Variants in PPP6R3 observed in about 807,000 individuals in gnomAD.
PPP6R3 encodes the protein serine/threonine-protein phosphatase 6 regulatory subunit 3.
PPP6R3 carries 38 observed loss-of-function variants against 110.7 expected under a neutral mutation model. The ratio of observed to expected loss-of-function variants is 0.34; its 90% confidence interval spans 0.26 to 0.45. The LOEUF (loss-of-function observed/expected upper bound fraction) is 0.45, where lower values mean the gene tolerates loss of function less well. Among genes scored for constraint, PPP6R3 ranks in the 20% least tolerant of loss-of-function variants. The probability of loss-of-function intolerance (pLI) is 1.00; values close to 1 mark genes in which losing one functional copy is unlikely to be tolerated. For synonymous variants in PPP6R3, 369 were observed against 373.5 expected (o/e 0.99, Z 0.14); for missense variants, 870 against 1,062.4 (o/e 0.82, Z 2.52).
rs1555021448 is a variant in PPP6R3 at position 68,477,741 on chromosome 11, A to ATATAT, written c.-158+16914_-158+16915insTATAT. ...GACATTGTCTCTTAAAAAAAAAAAAAATATATATATATATATATATATATA... is the reference window on the plus strand; with the variant it reads ...GACATTGTCTCTTAAAAAAAAAAAAATATATATATATATATATATATATATATATA... On this transcript the variant is annotated intron_variant, in intron 1 of 23. Transcript: ENST00000393800. Among the ~76,000 whole-genome samples the ATATAT allele has an allele frequency of 3.4e-3, 198 of 57,890 alleles. 1 individual carries two copies. Among genetic ancestry groups the ATATAT allele is most frequent in the African/African-American group, 6.0e-3 (84 of 14,032 alleles). 38.0% of individuals were successfully genotyped at this position (57,890 alleles called of 152,430 possible). A position where few individuals can be genotyped will look rare whatever the true frequency, so the allele number is the denominator to read the frequency against.
intron 6 of PPP6R3, among the ~76,000 whole-genome samples, chr11:68,552,000 T>C (rs1262047644): frequency 6.6e-6 from 1 of 152,168 alleles, no homozygotes; most frequent in Non-Finnish European, 1.5e-5. Context: ...GGTTACAGGA[T>C]TGAAGCTAGA....
intron 4 of PPP6R3, among the ~76,000 whole-genome samples, chr11:68,546,422 TAAAG>T (rs1183530044): frequency 2.0e-5 from 3 of 152,274 alleles, no homozygotes; most frequent in East Asian, 3.9e-4. Flanking sequence ...AGTGTACACA[TAAAG>T]AGAGAGAATA....
intron 1 of PPP6R3, among the ~76,000 whole-genome samples, chr11:68,500,413 G>A (rs1284620971): frequency 1.3e-5 from 2 of 151,970 alleles, no homozygotes; most frequent in Non-Finnish European, 2.9e-5. Flanking sequence ...TGTTTTATGT[G>A]CACTGGTAGT....
intron 19 of PPP6R3, among the ~76,000 whole-genome samples, chr11:68,597,286 C>T (rs553740028): frequency 6.6e-6 from 1 of 152,070 alleles, no homozygotes; most frequent in Admixed American, 6.5e-5. Context: ...CTGAAGGACC[C>T]GTAGGGATTT....
At chr11:68,519,925 T>C (rs1043490884) in intron 2 of PPP6R3, among the ~76,000 whole-genome samples, 1 of 152,194 alleles carries the variant, frequency 6.6e-6, no homozygotes, top group Non-Finnish European at 1.5e-5. Flanking sequence ...CCAGGCCTAG[T>C]AAGCTGAAGT....
At position 68,613,412 on chromosome 11, in the gene PPP6R3, AC is replaced by A; in HGVS notation, c.*296del. On this transcript the variant is annotated 3_prime_UTR_variant, in exon 24 of 24. Transcript: ENST00000393800. ...CCACCCATGTAATAATAGTAGTAATACTATAGTTAAAATGGCTGTAAGAATA... is the reference window on the plus strand; with the variant it reads ...CCACCCATGTAATAATAGTAGTAATATATAGTTAAAATGGCTGTAAGAATA... The A allele has an allele frequency of 9.1e-7, 1 of 1,095,208 alleles. No individual in the cohort carries two copies. The highest frequency in any genetic ancestry group is 3.9e-5 in the South Asian group (1 of 25,578). The allele number at this position is 1,095,208 out of a possible 1,614,324, so 67.8% of individuals were successfully genotyped here.
intron 1 of PPP6R3, among the ~76,000 whole-genome samples, chr11:68,491,173 C>T (rs1319838648): frequency 3.3e-5 from 5 of 151,944 alleles, no homozygotes. Context: ...GGTGACAAAG[C>T]GAGATCCTGT....
intron 3 of PPP6R3, among the ~76,000 whole-genome samples, chr11:68,540,027 G>A (rs913388338): frequency 6.6e-6 from 1 of 152,220 alleles, no homozygotes; most frequent in Non-Finnish European, 1.5e-5. Context: ...CAGAGAAGGG[G>A]CAGCATTGTG....
At chr11:68,601,334 A>G (rs1411967306) in intron 20 of PPP6R3, among the ~76,000 whole-genome samples, 1 of 152,174 alleles carries the variant, frequency 6.6e-6, no homozygotes, top group African/African-American at 2.4e-5. Context: ...AATGAGGGAT[A>G]AAAGAGGAAG....
intron 2 of PPP6R3, among the ~76,000 whole-genome samples, chr11:68,532,907 T>C (rs2099248888): frequency 6.6e-6 from 1 of 152,236 alleles, no homozygotes; most frequent in Admixed American, 6.5e-5. Context: ...TAAGTCACTC[T>C]ATGATGTTTG....
At chr11:68,609,867 A>G in intron 22 of PPP6R3, 37 bp from the exon 23 acceptor site, 1 of 1,612,636 alleles carries the variant, frequency 6.2e-7, no homozygotes, top group South Asian at 1.1e-5. Flanking sequence ...GCTGGTCCCT[A>G]GGGTGTTTGA....
chr11:68,477,330 A>C (rs2098839593), intron 1 of PPP6R3, among the ~76,000 whole-genome samples: 1 of 152,126 alleles, frequency 6.6e-6, no homozygotes, highest in Non-Finnish European at 1.5e-5. Context: ...TGATAGACTT[A>C]TTGGGACATA....
chr11:68,582,591 A>C (rs539312184), intron 14 of PPP6R3, among the ~76,000 whole-genome samples: 2 of 152,328 alleles, frequency 1.3e-5, no homozygotes, highest in Admixed American at 6.5e-5. Flanking sequence ...TGAAATGGTT[A>C]TATTTAAACC....
At chr11:68,475,082 C>T (rs892852035) in intron 1 of PPP6R3, among the ~76,000 whole-genome samples, 1 of 152,066 alleles carries the variant, frequency 6.6e-6, no homozygotes. Flanking sequence ...GTGTTTGTGT[C>T]CCTGGGTACT....
At chr11:68,555,643 G>A (rs1473416096) in intron 7 of PPP6R3, among the ~76,000 whole-genome samples, 1 of 152,196 alleles carries the variant, frequency 6.6e-6, no homozygotes, top group Non-Finnish European at 1.5e-5. Context: ...TGGACCCAAT[G>A]TGTAACCTAG....
chr11:68,607,078 C>T (rs531431291), intron 22 of PPP6R3, among the ~76,000 whole-genome samples: 16 of 152,294 alleles, frequency 1.1e-4, no homozygotes, highest in Non-Finnish European at 2.2e-4. Flanking sequence ...TAGCTTAGTG[C>T]TGCAGAGACA....
intron 21 of PPP6R3, among the ~76,000 whole-genome samples, chr11:68,603,038 C>T (rs963493906): frequency 6.6e-6 from 1 of 152,112 alleles, no homozygotes; most frequent in African/African-American, 2.4e-5. Flanking sequence ...CACACTGGAA[C>T]AGTTAGGAGC....
chr11:68,589,121 A>T (rs971466499), intron 16 of PPP6R3, among the ~76,000 whole-genome samples: 2 of 152,066 alleles, frequency 1.3e-5, no homozygotes, highest in African/African-American at 4.8e-5. Flanking sequence ...AGGTGGGAGA[A>T]TCACTTGAAC....
chr11:68,535,594 T>G (rs1485249086), intron 2 of PPP6R3: 1 of 152,034 alleles, frequency 6.6e-6, no homozygotes, highest in Non-Finnish European at 1.5e-5. Context: ...CAAGGAAGAC[T>G]TTTATAACAC....
Sources: allele counts gnomAD v4.1 joint callset (sites outside exome capture counted in the v4.1 genomes callset), GRCh38; gene constraint gnomAD v4.1.1; transcripts MANE v1.5; gene names NCBI Gene and HGNC (gene_info 2026-07-23, HGNC 2026-07-21).